TFAP2C: variants seen among roughly 807,000 people sequenced by gnomAD.
TFAP2C encodes the protein transcription factor AP-2 gamma.
Under a neutral mutation model 42.9 loss-of-function variants are expected in TFAP2C, and 9 were observed. That is an observed-to-expected ratio of 0.21 (90% CI 0.13 to 0.37). TFAP2C has a LOEUF of 0.37. TFAP2C is among the 10% of genes least tolerant of loss of function. The probability of loss-of-function intolerance (pLI) is 1.00; values close to 1 mark genes in which losing one functional copy is unlikely to be tolerated. For synonymous variants in TFAP2C, 264 were observed against 256.0 expected (o/e 1.03, Z -0.30); for missense variants, 462 against 591.7 (o/e 0.78, Z 2.27).
chr20:56,631,609 C>A lies in TFAP2C; in HGVS notation c.453C>A (p.Pro151=). The A allele has an allele frequency of 6.4e-7, 1 of 1,565,148 alleles. No individual in the cohort carries two copies. The highest frequency in any genetic ancestry group is 2.4e-5 in the East Asian group (1 of 42,418). The part of the protein sequence containing the change: ...DAYRRSDLLL[P]HAHALDAAGL... Reference sequence around the variant, plus strand: ...ACCGCCGCTCCGACCTGCTGCTGCCCCACGCACACGCCCTGGATGCCGCGG... The same window carrying A: ...ACCGCCGCTCCGACCTGCTGCTGCCACACGCACACGCCCTGGATGCCGCGG... The change falls in exon 2 of 7, where the codon CCC becomes CCA. Residue 151 remains proline, a synonymous_variant. Coordinates refer to ENST00000201031, the MANE Select transcript of TFAP2C (RefSeq NM_003222.4). This position sits in a 1 kb window ranked among gnomAD's most constrained non-coding sequence, Gnocchi z 6.1.
In TFAP2C at chr20:56,631,840, G is replaced by T; in HGVS notation, c.570G>T (p.Gln190His). 1 of 1,614,220 alleles carries T rather than the reference G, an allele frequency of 6.2e-7. No individual in the cohort carries two copies. The highest frequency in any genetic ancestry group is 8.5e-7 in the Non-Finnish European group (1 of 1,180,040). The part of the protein sequence containing the change: ...VDDQHLLLHD[Q>H]TVIRKGPISM... ...ACCAGCACCTGTTGCTGCACGATCAGACAGTCATTCGCAAAGGTAAATAGC... is the reference window on the plus strand; with the variant it reads ...ACCAGCACCTGTTGCTGCACGATCATACAGTCATTCGCAAAGGTAAATAGC... Residue 190 changes from glutamine (Q) to histidine (H), a missense_variant, in exon 3 of 7, where the codon CAG (glutamine) becomes CAT (histidine). Gln to His is a conservative substitution (Grantham distance 24, BLOSUM62 0). Coordinates refer to ENST00000201031, the MANE Select transcript of TFAP2C (RefSeq NM_003222.4). This position sits in a 1 kb window ranked among gnomAD's most constrained non-coding sequence, Gnocchi z 6.1.
rs1987530410 is a variant in TFAP2C, at chr20:56,633,388, C to T, written c.622C>T (p.Pro208Ser). ...CATGACCAAGAACCCTCTGAACCTC[C>T]CCTGTCAGAAGGAGCTGGTGGGGGC... is the stretch of plus-strand genomic sequence containing the variant. ...ISMTKNPLNL[P>S]CQKELVGAVM... The change falls in exon 4 of 7, where the codon CCC (proline) becomes TCC (serine). Residue 208 changes from proline (P) to serine (S), a missense_variant. Around this residue, in one of 5 missense-constraint regions of TFAP2C, gnomAD observed 21 missense variants for 38.1 expected, o/e 0.55. Coordinates refer to ENST00000201031, the MANE Select transcript of TFAP2C (RefSeq NM_003222.4). 6.2e-7 allele frequency: 1 copy of T among 1,613,958 alleles called. No individual in the cohort carries two copies. Among genetic ancestry groups the T allele is most frequent in the Admixed American group, 1.7e-5 (1 of 59,990 alleles).
In TFAP2C at chr20:56,633,380, T is replaced by A. The variant is rs941172363; in HGVS notation, c.614T>A (p.Leu205Gln). The part of the protein sequence containing the change: ...KGPISMTKNP[L>Q]NLPCQKELVG... Reference sequence around the variant, plus strand: ...CCCATTTCCATGACCAAGAACCCTCTGAACCTCCCCTGTCAGAAGGAGCTG... The same window carrying A: ...CCCATTTCCATGACCAAGAACCCTCAGAACCTCCCCTGTCAGAAGGAGCTG... The change falls in exon 4 of 7, where the codon CTG becomes CAG. Residue 205 changes from leucine (L) to glutamine (Q), a missense_variant. This residue lies in a region of TFAP2C where 21 missense variants were observed against 38.1 expected (regional missense o/e 0.55). Transcript: ENST00000201031. 2 of 1,614,004 alleles carry A rather than the reference T, an allele frequency of 1.2e-6. No homozygotes were observed. The highest frequency in any genetic ancestry group is 2.7e-5 in the African/African-American group (2 of 75,048).
intron 6 of TFAP2C, 110 bp from the exon 7 acceptor site, chr20:56,637,618 G>A (rs1413987215): frequency 2.0e-5 from 19 of 951,322 alleles, no homozygotes; most frequent in Non-Finnish European, 2.5e-5. Flanking sequence ...TCCTCGGGTT[G>A]AAGCAGTTGT....
At position 56,630,589 on chromosome 20, in the gene TFAP2C, G is replaced by C. The variant is rs1987468533; in HGVS notation, c.49-616G>C. The C allele has an allele frequency of 2.9e-6, 2 of 697,428 alleles. No homozygotes were observed. Among genetic ancestry groups the C allele is most frequent in the South Asian group, 6.4e-5 (1 of 15,704 alleles). The allele number at this position is 697,428 out of a possible 1,614,324, so 43.2% of individuals were successfully genotyped here. A position where few individuals can be genotyped will look rare whatever the true frequency, so the allele number is the denominator to read the frequency against. On this transcript the variant is annotated intron_variant, in intron 1 of 6. Transcript: ENST00000201031. The surrounding 1 kb of genome is among the most constrained non-coding windows in gnomAD (Gnocchi z 5.1). Reference sequence around the variant, plus strand: ...TCGGCTGGGCCCGGCCAGCAGGGAGGGCCGCCCTGTGCGCGCGCTCCCTCT... The same window carrying C: ...TCGGCTGGGCCCGGCCAGCAGGGAGCGCCGCCCTGTGCGCGCGCTCCCTCT...
In TFAP2C at chr20:56,631,185, GTT is replaced by G. The variant is rs377542297; in HGVS notation, c.49-10_49-9del. On this transcript the variant is annotated intron_variant, in intron 1 of 6. Coordinates refer to ENST00000201031, the MANE Select transcript of TFAP2C (RefSeq NM_003222.4). This position sits in a 1 kb window ranked among gnomAD's most constrained non-coding sequence, Gnocchi z 6.1. ...GGGTTTCGCACTAACGGGGTCTCCTGTTTTTTTTTTTCCCTCCAGGATCGCCA... is the reference window on the plus strand; with the variant it reads ...GGGTTTCGCACTAACGGGGTCTCCTGTTTTTTTTTCCCTCCAGGATCGCCA... 2.9e-5 allele frequency: 35 copies of G among 1,190,856 alleles called. No individual in the cohort carries two copies. Among genetic ancestry groups the G allele is most frequent in the East Asian group, 6.3e-5 (2 of 31,848 alleles). 73.8% of individuals were successfully genotyped at this position (1,190,856 alleles called of 1,614,324 possible).
At chr20:56,632,857 C>CTAAT (rs1248804478) in intron 3 of TFAP2C, among the ~76,000 whole-genome samples, 2 of 151,812 alleles carry the variant, frequency 1.3e-5, no homozygotes, top group African/African-American at 4.8e-5. Flanking sequence ...TGGATCTTCA[C>CTAAT]TAATTAACTT....
rs1987530265 is a variant in TFAP2C at position 56,633,377 on chromosome 20, C to T, written c.611C>T (p.Pro204Leu). The T allele has an allele frequency of 1.2e-6, 2 of 1,613,764 alleles. No individual in the cohort carries two copies. Among genetic ancestry groups the T allele is most frequent in the Non-Finnish European group, 1.7e-6 (2 of 1,180,004 alleles). The change falls in exon 4 of 7, where the codon CCT becomes CTT. Residue 204 changes from proline to leucine, a missense_variant. This residue lies in a region of TFAP2C where 21 missense variants were observed against 38.1 expected (regional missense o/e 0.55). Coordinates refer to ENST00000201031, the MANE Select transcript of TFAP2C (RefSeq NM_003222.4). ...RKGPISMTKNPLNLPCQKELV... is the reference protein window; with the variant it reads ...RKGPISMTKNLLNLPCQKELV... ...GGTCCCATTTCCATGACCAAGAACC[C>T]TCTGAACCTCCCCTGTCAGAAGGAG...
At position 56,631,295 on chromosome 20, in the gene TFAP2C, T is replaced by G; in HGVS notation, c.139T>G (p.Ser47Ala). The G allele has an allele frequency of 6.2e-7, 1 of 1,604,232 alleles. No individual in the cohort carries two copies. The change falls in exon 2 of 7, where the codon TCC (serine) becomes GCC (alanine). Residue 47 changes from serine (S) to alanine (A), a missense_variant. Around this residue, in one of 5 missense-constraint regions of TFAP2C, gnomAD observed 271 missense variants for 269.7 expected, o/e 1.00. Coordinates refer to ENST00000201031, the MANE Select transcript of TFAP2C (RefSeq NM_003222.4). This position sits in a 1 kb window ranked among gnomAD's most constrained non-coding sequence, Gnocchi z 6.1. ...CCTCTACAGCCCCGCGCCACCCCTC[T>G]CCCACACTGGAGTCGCCGAATATCA... ...QHLYSPAPPL[S>A]HTGVAEYQPP... is the part of the protein sequence containing the mutation.
In TFAP2C at chr20:56,638,336, T is replaced by A. The variant is rs1987625654; in HGVS notation, c.*323T>A. ...TAAGTTTTAGAATCTTTTAAATACA[T>A]TCCCTGGGCCAACAGACCCACACAC... On this transcript the variant is annotated 3_prime_UTR_variant, in exon 7 of 7. Coordinates refer to ENST00000201031, the MANE Select transcript of TFAP2C (RefSeq NM_003222.4). 2 of 252,384 alleles carry A rather than the reference T, an allele frequency of 7.9e-6. No homozygotes were observed. Among genetic ancestry groups the A allele is most frequent in the African/African-American group, 4.4e-5 (2 of 45,550 alleles). 15.6% of individuals were successfully genotyped at this position (252,384 alleles called of 1,614,324 possible). A position where few individuals can be genotyped will look rare whatever the true frequency, so the allele number is the denominator to read the frequency against.
In TFAP2C at chr20:56,638,265, T is replaced by G. The variant is rs1987623931; in HGVS notation, c.*252T>G. The G allele has an allele frequency of 5.0e-6, 1 of 200,472 alleles. No individual in the cohort carries two copies. The highest frequency in any genetic ancestry group is 6.1e-5 in the Admixed American group (1 of 16,486). 12.4% of individuals were successfully genotyped at this position (200,472 alleles called of 1,614,324 possible). On this transcript the variant is annotated 3_prime_UTR_variant, in exon 7 of 7. Transcript: ENST00000201031. ...AGTACTGGCTCTTTATTCATTAAGC[T>G]TTTTTTTTTTGAACCCCATTCTTTC...
intron 3 of TFAP2C, 31 bp from the exon 4 acceptor site, chr20:56,633,322 T>G (rs1987529455): frequency 6.4e-7 from 1 of 1,573,094 alleles, no homozygotes; most frequent in Non-Finnish European, 8.7e-7. Context: ...AGAGAGCTCT[T>G]GTGACTGCCA....
At position 56,631,424 on chromosome 20, in the gene TFAP2C, C is replaced by T. The variant is rs774104363; in HGVS notation, c.268C>T (p.Leu90=). The T allele has an allele frequency of 2.5e-6, 4 of 1,594,844 alleles. No individual in the cohort carries two copies. The highest frequency in any genetic ancestry group is 1.4e-5 in the African/African-American group (1 of 73,720). ...AGCGTACGCCGCCGCCATCAACCCCCTGCACCAGCCGGCGCCCACAGGCAG... is the reference window on the plus strand; with the variant it reads ...AGCGTACGCCGCCGCCATCAACCCCTTGCACCAGCCGGCGCCCACAGGCAG... ...GEAYAAAINP[L]HQPAPTGSQQ... The change falls in exon 2 of 7, where the codon CTG becomes TTG. Residue 90 remains leucine, a synonymous_variant. Coordinates refer to ENST00000201031, the MANE Select transcript of TFAP2C (RefSeq NM_003222.4). The surrounding 1 kb of genome is among the most constrained non-coding windows in gnomAD (Gnocchi z 6.1).
chr20:56,636,383 T>G (rs1987583043), intron 5 of TFAP2C, among the ~76,000 whole-genome samples: 1 of 151,992 alleles, frequency 6.6e-6, no homozygotes, highest in Non-Finnish European at 1.5e-5. Flanking sequence ...AAAAATTAGC[T>G]GGGTATGGTG....
chr20:56,631,827 T>G lies in TFAP2C; in HGVS notation c.557T>G (p.Leu186Trp). The change falls in exon 3 of 7, where the codon TTG becomes TGG. Residue 186 changes from leucine (L) to tryptophan (W), a missense_variant. Coordinates refer to ENST00000201031, the MANE Select transcript of TFAP2C (RefSeq NM_003222.4). This position sits in a 1 kb window ranked among gnomAD's most constrained non-coding sequence, Gnocchi z 6.1. ...EVQNVDDQHL[L>W]LHDQTVIRKG... ...CAGAATGTCGACGACCAGCACCTGT[T>G]GCTGCACGATCAGACAGTCATTCGC... The G allele has an allele frequency of 6.2e-7, 1 of 1,614,212 alleles. No homozygotes were observed. The highest frequency in any genetic ancestry group is 2.2e-5 in the East Asian group (1 of 44,884).
chr20:56,629,821 A>C lies in TFAP2C; in HGVS notation c.48+229A>C, dbSNP rs145058981. On this transcript the variant is annotated intron_variant, in intron 1 of 6. Coordinates refer to ENST00000201031, the MANE Select transcript of TFAP2C (RefSeq NM_003222.4). The surrounding 1 kb of genome is among the most constrained non-coding windows in gnomAD (Gnocchi z 5.9). ...ACGAGGCCTGGAAAGAGAATGGCAA[A>C]TCCCACCCACACAGCTTACCGGGCG... 8.5e-5 allele frequency among the ~76,000 whole-genome samples: 13 copies of C among 152,188 alleles called. No homozygotes were observed. Among genetic ancestry groups the C allele is most frequent in the African/African-American group, 2.9e-4 (12 of 41,546 alleles).
At chr20:56,633,808 T>A (rs1307841378) in intron 4 of TFAP2C, among the ~76,000 whole-genome samples, 1 of 152,152 alleles carries the variant, frequency 6.6e-6, no homozygotes, top group East Asian at 1.9e-4. Flanking sequence ...AGTGATAGCA[T>A]CTGTATTGAG....
In TFAP2C at chr20:56,629,664, G is replaced by A. The variant is rs956812063; in HGVS notation, c.48+72G>A. ...CGGGAGGCAGGGGCCACTGGACCGA[G>A]GTCGGGGACGAGGGCATAGGAGCCC... On this transcript the variant is annotated intron_variant, in intron 1 of 6. Transcript: ENST00000201031. This position sits in a 1 kb window ranked among gnomAD's most constrained non-coding sequence, Gnocchi z 5.9. The A allele has an allele frequency of 1.4e-4, 179 of 1,249,194 alleles. No homozygotes were observed. The highest frequency in any genetic ancestry group is 1.8e-4 in the Non-Finnish European group (177 of 962,314). 77.4% of individuals were successfully genotyped at this position (1,249,194 alleles called of 1,614,324 possible). A position where few individuals can be genotyped will look rare whatever the true frequency, so the allele number is the denominator to read the frequency against.
In TFAP2C at chr20:56,629,706, C is replaced by T. The variant is rs11908195; in HGVS notation, c.48+114C>T. The T allele has an allele frequency of 3.9e-6, 3 of 772,164 alleles. No homozygotes were observed. Among genetic ancestry groups the T allele is most frequent in the Admixed American group, 3.8e-5 (1 of 26,496 alleles). 47.8% of individuals were successfully genotyped at this position (772,164 alleles called of 1,614,324 possible). ...TAGGAGCCCTGGCCTCTCGGTGGGA[C>T]GGGATCCACTTCTCCGGACACCCCT... On this transcript the variant is annotated intron_variant, in intron 1 of 6. Transcript: ENST00000201031. The surrounding 1 kb of genome is among the most constrained non-coding windows in gnomAD (Gnocchi z 5.9).
Sources: allele counts gnomAD v4.1 joint callset (sites outside exome capture counted in the v4.1 genomes callset), GRCh38; gene constraint gnomAD v4.1.1; regional missense constraint gnomAD v4.1.1; non-coding constraint Gnocchi (gnomAD v3.1); transcripts MANE v1.5; gene names NCBI Gene and HGNC (gene_info 2026-07-23, HGNC 2026-07-21).